ECHDC2: variants seen among roughly 807,000 people sequenced by gnomAD.
The protein encoded by ECHDC2 is enoyl-CoA hydratase domain-containing protein 2, mitochondrial.
In ECHDC2, 34 loss-of-function variants were observed where a neutral mutation model predicts 40.6. That is an observed-to-expected ratio of 0.84 (90% CI 0.64 to 1.11). ECHDC2 has a LOEUF of 1.11. Ranked by LOEUF, ECHDC2 falls within the 50% of genes most tolerant of loss-of-function variation. The pLI is 0.00. For missense variants in ECHDC2, 392 were observed against 400.7 expected, an observed-to-expected ratio of 0.98 and a Z score of 0.19; for synonymous variants, 162 against 166.6, an observed-to-expected ratio of 0.97 and a Z score of 0.21.
intron 8 of ECHDC2, chr1:52,898,596 C>T (rs1361376863): frequency 1.9e-5 from 3 of 160,528 alleles, no homozygotes; most frequent in African/African-American, 4.8e-5. Flanking sequence ...GGGGTGTCAG[C>T]GTGGTACCAT....
chr1:52,909,693 C>T (rs1378578989), intron 3 of ECHDC2, among the ~76,000 whole-genome samples: 1 of 152,180 alleles, frequency 6.6e-6, no homozygotes, highest in East Asian at 1.9e-4. Context: ...ACTTACAATA[C>T]CTAATACAAT....
intron 1 of ECHDC2, among the ~76,000 whole-genome samples, chr1:52,916,464 C>T (rs572272698): frequency 4.6e-5 from 7 of 152,278 alleles, no homozygotes; most frequent in African/African-American, 1.7e-4. Flanking sequence ...AACCACTTTA[C>T]CCTTCTGGCC....
At chr1:52,911,863 A>T in intron 1 of ECHDC2, 73 bp from the exon 2 acceptor site, 1 of 1,580,390 alleles carries the variant, frequency 6.3e-7, no homozygotes, top group Non-Finnish European at 8.6e-7. Context: ...TGGGGACTGG[A>T]GGCAGGAGGC....
At chr1:52,915,794 T>A (rs892745187) in intron 1 of ECHDC2, among the ~76,000 whole-genome samples, 2 of 152,210 alleles carry the variant, frequency 1.3e-5, no homozygotes, top group South Asian at 4.1e-4. Context: ...TATACAATGT[T>A]ACTCCTGAGA....
At position 52,905,045 on chromosome 1, in the gene ECHDC2, A is replaced by G; in HGVS notation, c.503T>C (p.Leu168Pro). The G allele has an allele frequency of 6.2e-7, 1 of 1,614,134 alleles. No homozygotes were observed. The highest frequency in any genetic ancestry group is 8.5e-7 in the Non-Finnish European group (1 of 1,180,010). Residue 168 changes from leucine to proline, a missense_variant, in exon 6 of 10, where the codon CTC becomes CCC. By Grantham distance (98) the Leu-to-Pro change is moderately conservative (BLOSUM62 -3). Transcript: ENST00000371522. ...MGLIETTRGL[L>P]PGAGGTQRLP... is the part of the protein sequence containing the mutation. ...GTAGTTGCGATTACCTGCCCCCGGG[A>G]GGAGCCCTCGCGTGGTCTCAATCAG... is the stretch of plus-strand genomic sequence containing the variant.
chr1:52,909,588 G>A (rs1435346109), intron 3 of ECHDC2, among the ~76,000 whole-genome samples: 1 of 150,718 alleles, frequency 6.6e-6, no homozygotes, highest in Non-Finnish European at 1.5e-5. Context: ...TTACAAATTT[G>A]TGTTGGGCCA....
intron 1 of ECHDC2, 150 bp downstream of exon 1, chr1:52,921,403 A>G (rs2150078923): frequency 1.4e-6 from 2 of 1,408,404 alleles, no homozygotes; most frequent in Non-Finnish European, 1.8e-6. Flanking sequence ...CCCACCTCTC[A>G]GGCCTGGAGC....
chr1:52,904,831 C>T lies in ECHDC2; in HGVS notation c.517G>A (p.Gly173Arg). The T allele has an allele frequency of 6.2e-7, 1 of 1,611,494 alleles. No individual in the cohort carries two copies. The highest frequency in any genetic ancestry group is 8.5e-7 in the Non-Finnish European group (1 of 1,178,788). The change falls in exon 7 of 10, where the codon GGG (glycine) becomes AGG (arginine). Residue 173 changes from glycine to arginine, a missense_variant and splice_region_variant. By Grantham distance (125) the Gly-to-Arg change is moderately radical. Coordinates refer to ENST00000371522, the MANE Select transcript of ECHDC2 (RefSeq NM_001198961.2). ...TTRGLLPGAG[G>R]TQRLPRCLGV... is the part of the protein sequence containing the mutation. ...AGACAACGGGGCAGCCTCTGAGTCC[C>T]TCCTACCAGGATGGAGGGAGCAGGG...
At chr1:52,912,953 T>C (rs2150064167) in intron 1 of ECHDC2, 1 of 152,302 alleles carries the variant, frequency 6.6e-6, no homozygotes, top group East Asian at 1.9e-4. Flanking sequence ...CTAAAAGTGC[T>C]GGGATTACAG....
intron 7 of ECHDC2, chr1:52,901,721 T>G (rs1486035674): frequency 6.6e-6 from 1 of 152,244 alleles, no homozygotes; most frequent in Non-Finnish European, 1.5e-5. Context: ...TACTTGTTTT[T>G]GGTAGACTGG....
intron 8 of ECHDC2, chr1:52,897,862 C>T (rs1045958752): frequency 3.2e-5 from 11 of 338,796 alleles, no homozygotes; most frequent in African/African-American, 2.3e-4. Flanking sequence ...TTAATTTTCA[C>T]AGCAAGGGTT....
intron 8 of ECHDC2, 162 bp downstream of exon 8, chr1:52,899,012 C>T: frequency 5.5e-6 from 4 of 732,942 alleles, no homozygotes; most frequent in Non-Finnish European, 9.9e-6. Flanking sequence ...GGCCAATTTG[C>T]AGATGTGTAA....
intron 1 of ECHDC2, among the ~76,000 whole-genome samples, chr1:52,916,649 G>A (rs907957282): frequency 6.6e-6 from 1 of 152,182 alleles, no homozygotes; most frequent in African/African-American, 2.4e-5. Context: ...AGCCAGGCAG[G>A]GTGTCTTTGG....
chr1:52,904,342 G>A (rs1647217790), intron 7 of ECHDC2, among the ~76,000 whole-genome samples: 1 of 152,170 alleles, frequency 6.6e-6, no homozygotes, highest in Non-Finnish European at 1.5e-5. Flanking sequence ...TTTGGCTAGT[G>A]GCTCCCATAC....
rs1281544714 is a variant in ECHDC2, at chr1:52,896,417, A to T, written c.*103T>A. 1 of 904,576 alleles carries T rather than the reference A, an allele frequency of 1.1e-6. No homozygotes were observed. Among genetic ancestry groups the T allele is most frequent in the African/African-American group, 1.6e-5 (1 of 61,232 alleles). The allele number at this position is 904,576 out of a possible 1,614,324, so 56.0% of individuals were successfully genotyped here. A position where few individuals can be genotyped will look rare whatever the true frequency, so the allele number is the denominator to read the frequency against. ...ATCATCATCCTTGTGAAGAAATGGA[A>T]GTCTGGAGAGGTGAAATGATGAAGG... On this transcript the variant is annotated 3_prime_UTR_variant, in exon 10 of 10. Coordinates refer to ENST00000371522, the MANE Select transcript of ECHDC2 (RefSeq NM_001198961.2).
intron 1 of ECHDC2, among the ~76,000 whole-genome samples, chr1:52,918,516 G>A (rs1167373128): frequency 6.6e-6 from 1 of 152,166 alleles, no homozygotes; most frequent in Non-Finnish European, 1.5e-5. Flanking sequence ...GGAGGTGGAA[G>A]ACAGTGATAG....
rs1647397280 is a variant in ECHDC2 at position 52,905,035 on chromosome 1, T to C, written c.513A>G (p.Ala171=). The C allele has an allele frequency of 1.2e-6, 2 of 1,614,212 alleles. No individual in the cohort carries two copies. Among genetic ancestry groups the C allele is most frequent in the Non-Finnish European group, 1.7e-6 (2 of 1,180,030 alleles). Residue 171 remains alanine (A), a splice_region_variant and synonymous_variant, in exon 6 of 10, where the codon GCA becomes GCG. Transcript: ENST00000371522. ...IETTRGLLPG[A]GGTQRLPRCL... ...GGCGGGTGCTGTAGTTGCGATTACC[T>C]GCCCCCGGGAGGAGCCCTCGCGTGG...
At chr1:52,918,005 G>A (rs1165205749) in intron 1 of ECHDC2, among the ~76,000 whole-genome samples, 1 of 151,986 alleles carries the variant, frequency 6.6e-6, no homozygotes, top group Non-Finnish European at 1.5e-5. Flanking sequence ...GTCTTACTCT[G>A]TTGCCCAGGC....
At position 52,907,958 on chromosome 1, in the gene ECHDC2, C is replaced by T; in HGVS notation, c.278-4G>A. 1 of 1,613,992 alleles carries T rather than the reference C, an allele frequency of 6.2e-7. No homozygotes were observed. The highest frequency in any genetic ancestry group is 8.5e-7 in the Non-Finnish European group (1 of 1,179,920). The stretch of plus-strand genomic sequence containing the variant: ...TCCCGCTCCTTCAGGTCTGCACCTG[C>T]AGATGGCGAGGGTTGGTACCAGCCC... On this transcript the variant is annotated splice_polypyrimidine_tract_variant and splice_region_variant and intron_variant, in intron 3 of 9. Transcript: ENST00000371522.
Sources: gnomAD v4.1 joint callset for allele counts (sites outside exome capture counted in the v4.1 genomes callset) on GRCh38, gnomAD v4.1.1 for gene constraint, MANE v1.5 for transcripts, NCBI Gene and HGNC (gene_info 2026-07-23, HGNC 2026-07-21) for gene names.